Variants in MRAP2 observed in about 807,000 individuals in gnomAD.
The protein encoded by MRAP2 is melanocortin 2 receptor accessory protein 2, also known as melanocortin-2 receptor accessory protein 2.
A neutral mutation model predicts 17.4 loss-of-function variants in MRAP2; 20 were observed. The ratio of observed to expected loss-of-function variants is 1.15; its 90% CI spans 0.81 to 1.67. The LOEUF is 1.67. MRAP2 is among the 40% of genes most tolerant of loss of function. The probability of loss-of-function intolerance (pLI) is 0.00; values close to 1 mark genes in which losing one functional copy is unlikely to be tolerated. For missense variants in MRAP2, 238 were observed against 240.0 expected (o/e 0.99, Z 0.05); for synonymous variants, 96 against 88.4 (o/e 1.09, Z -0.48).
chr6:84,117,352 C>T, the MRAP2 span, among the ~76,000 whole-genome samples: 1 of 152,080 alleles, frequency 6.6e-6, no homozygotes, highest in African/African-American at 2.4e-5. Context: ...TTTATCTCTG[C>T]TGAGTTTTGG....
chr6:84,081,253 G>A (rs1011915812), intron 3 of MRAP2, among the ~76,000 whole-genome samples: 17 of 152,312 alleles, frequency 1.1e-4, no homozygotes, highest in African/African-American at 2.9e-4. Flanking sequence ...ATGATATGGA[G>A]TCTTTTTCTG....
chr6:84,141,395 G>C, the MRAP2 span, among the ~76,000 whole-genome samples: 2 of 152,070 alleles, frequency 1.3e-5, no homozygotes, highest in African/African-American at 4.8e-5. Flanking sequence ...CTAGACTTAA[G>C]ACCAACGTTA....
intron 3 of MRAP2, among the ~76,000 whole-genome samples, chr6:84,085,228 G>A (rs971709608): frequency 1.3e-5 from 2 of 151,916 alleles, no homozygotes; most frequent in Non-Finnish European, 1.5e-5. Context: ...CTAAGTTTTT[G>A]TATTTTTAGT....
intron 3 of MRAP2, among the ~76,000 whole-genome samples, chr6:84,076,680 G>C (rs1159611848): frequency 6.6e-6 from 1 of 152,138 alleles, no homozygotes. Flanking sequence ...ATCTTTAAAA[G>C]CCCACTGGAA....
chr6:84,102,907 G>A, the MRAP2 span, among the ~76,000 whole-genome samples: 1 of 152,180 alleles, frequency 6.6e-6, no homozygotes, highest in South Asian at 2.1e-4. Flanking sequence ...AGTGATGGGA[G>A]CATTGGAGTA....
intron 3 of MRAP2, among the ~76,000 whole-genome samples, chr6:84,066,221 T>C (rs189011438): frequency 5.3e-5 from 8 of 152,352 alleles, no homozygotes; most frequent in African/African-American, 1.9e-4. Flanking sequence ...ACAGGGGTCA[T>C]TTTAACCCTG....
chr6:84,112,827 C>T, the MRAP2 span, among the ~76,000 whole-genome samples: 1 of 152,176 alleles, frequency 6.6e-6, no homozygotes, highest in African/African-American at 2.4e-5. Context: ...TTTCAAATAA[C>T]ATCTTTATTT....
chr6:84,078,894 AG>A (rs1207335066), intron 3 of MRAP2, among the ~76,000 whole-genome samples: 2 of 152,228 alleles, frequency 1.3e-5, no homozygotes, highest in Admixed American at 1.3e-4. Flanking sequence ...ACTCAGTCTC[AG>A]GTATGCTTTT....
chr6:84,049,152 C>T lies in MRAP2; in HGVS notation c.-7-6160C>T, dbSNP rs1286643678. 5.9e-5 allele frequency among the ~76,000 whole-genome samples: 9 copies of T among 152,058 alleles called. No homozygotes were observed. In the South Asian group the frequency reaches 1.2e-3, roughly 21 times the overall value. On this transcript the variant is annotated intron_variant, in intron 1 of 3. Transcript: ENST00000257776. ...TTTAAAAATTACTTCTGGCTGGGTGCGGTGGCTCATGTCTGTAATCCCAGC... is the reference window on the plus strand; with the variant it reads ...TTTAAAAATTACTTCTGGCTGGGTGTGGTGGCTCATGTCTGTAATCCCAGC...
At chr6:84,079,280 A>C (rs1018166155) in intron 3 of MRAP2, among the ~76,000 whole-genome samples, 3 of 152,220 alleles carry the variant, frequency 2.0e-5, no homozygotes, top group Non-Finnish European at 4.4e-5. Flanking sequence ...AACATTGAGC[A>C]AAAGAACCCA....
Position 84,065,284 on chromosome 6 carries a change from C to CAAAA in MRAP2, c.227+2303_227+2306dup, listed in dbSNP as rs34029427. Among the ~76,000 whole-genome samples the CAAAA allele has an allele frequency of 4.4e-3, 594 of 135,652 alleles. 4 individuals carry two copies. Among genetic ancestry groups the CAAAA allele is most frequent in the Non-Finnish European group, 4.2e-3 (257 of 61,744 alleles). 89.0% of individuals were successfully genotyped at this position (135,652 alleles called of 152,430 possible). ...TAAATGACAGAGTAAGACCCTGTCT[C>CAAAA]AAAAAAAAAAAAAATTTAAACACAA... On this transcript the variant is annotated intron_variant, in intron 3 of 3. Coordinates refer to ENST00000257776, the MANE Select transcript of MRAP2 (RefSeq NM_138409.4).
chr6:84,059,384 G>T (rs2099492508), intron 2 of MRAP2, among the ~76,000 whole-genome samples: 1 of 152,204 alleles, frequency 6.6e-6, no homozygotes, highest in African/African-American at 2.4e-5. Context: ...TCATATCACA[G>T]AATTGGCCCT....
chr6:84,045,785 C>T (rs1016427870), intron 1 of MRAP2, among the ~76,000 whole-genome samples: 4 of 152,058 alleles, frequency 2.6e-5, no homozygotes, highest in Non-Finnish European at 4.4e-5. Flanking sequence ...TATACAGACA[C>T]ACACACACAA....
chr6:84,107,254 C>T, the MRAP2 span, among the ~76,000 whole-genome samples: 1 of 152,122 alleles, frequency 6.6e-6, no homozygotes. Flanking sequence ...TAATATGTTG[C>T]CTCCAAAATC....
intron 3 of MRAP2, 124 bp downstream of exon 3, chr6:84,063,116 G>C (rs1340986839): frequency 4.0e-6 from 6 of 1,504,442 alleles, no homozygotes; most frequent in Non-Finnish European, 4.5e-6. Flanking sequence ...TAGATTTGCT[G>C]TCTGGACCCA....
At chr6:84,083,088 G>C (rs148134593) in intron 3 of MRAP2, among the ~76,000 whole-genome samples, 1 of 152,182 alleles carries the variant, frequency 6.6e-6, no homozygotes, top group Middle Eastern at 3.4e-3. Context: ...CAGGACTTGC[G>C]TCAGAAATAA....
intron 1 of MRAP2, among the ~76,000 whole-genome samples, chr6:84,035,821 C>A (rs918690225): frequency 2.2e-4 from 34 of 152,160 alleles, no homozygotes; most frequent in African/African-American, 7.7e-4. Context: ...CCCCCAGATG[C>A]TGAGGTATTT....
chr6:84,081,410 T>G (rs941610687), intron 3 of MRAP2, among the ~76,000 whole-genome samples: 42 of 152,204 alleles, frequency 2.8e-4, no homozygotes, highest in African/African-American at 1.0e-3. Context: ...GTAATCCCCA[T>G]GTGTCATTGT....
In MRAP2 at chr6:84,089,499, G is replaced by C. The variant is rs768186768; in HGVS notation, c.*18G>C. 1.3e-6 allele frequency: 2 copies of C among 1,594,810 alleles called. No individual in the cohort carries two copies. Among genetic ancestry groups the C allele is most frequent in the Admixed American group, 3.5e-5 (2 of 57,824 alleles). The stretch of plus-strand genomic sequence containing the variant: ...TGGATTGAGAAACATGCTCTGTAAA[G>C]GGTCTTCCTGAAGATGTGGATTCTA... On this transcript the variant is annotated 3_prime_UTR_variant, in exon 4 of 4. Coordinates refer to ENST00000257776, the MANE Select transcript of MRAP2 (RefSeq NM_138409.4).
Sources: gnomAD v4.1 joint callset for allele counts (sites outside exome capture counted in the v4.1 genomes callset) on GRCh38, gnomAD v4.1.1 for gene constraint, MANE v1.5 for transcripts, NCBI Gene and HGNC (gene_info 2026-07-23, HGNC 2026-07-21) for gene names.